Variants in FOXP1 observed in about 807,000 individuals in gnomAD.
FOXP1 encodes the protein forkhead box P1.
A neutral mutation model predicts 98.2 loss-of-function variants in FOXP1; 15 were observed. The ratio of observed to expected loss-of-function variants is 0.15; its 90% CI spans 0.10 to 0.24. FOXP1 has a LOEUF of 0.24. Ranked by LOEUF, FOXP1 falls within the 10% of genes least tolerant of loss-of-function variation. The probability of loss-of-function intolerance (pLI) is 1.00; values close to 1 mark genes in which losing one functional copy is unlikely to be tolerated. For missense variants in FOXP1, 633 were observed against 848.5 expected, an observed-to-expected ratio of 0.75 and a Z score of 3.15; for synonymous variants, 371 against 314.5, an observed-to-expected ratio of 1.18 and a Z score of -1.90.
At chr3:71,140,241 G>A (rs2060004564) in intron 6 of FOXP1, among the ~76,000 whole-genome samples, 1 of 152,128 alleles carries the variant, frequency 6.6e-6, no homozygotes, top group Non-Finnish European at 1.5e-5. Context: ...ATCCATTTAT[G>A]TTTCATATAC....
At chr3:71,147,592 A>G (rs1260854477) in intron 6 of FOXP1, among the ~76,000 whole-genome samples, 1 of 152,192 alleles carries the variant, frequency 6.6e-6, no homozygotes, top group African/African-American at 2.4e-5. Context: ...TAAAAATATT[A>G]TGCTTATTGA....
chr3:71,559,315 G>A (rs1307876074), intron 2 of FOXP1, among the ~76,000 whole-genome samples: 1 of 152,224 alleles, frequency 6.6e-6, no homozygotes, highest in Non-Finnish European at 1.5e-5. Context: ...ACATGGGAAT[G>A]AAAACTGATA....
chr3:71,493,034 A>C (rs1245575924), intron 3 of FOXP1, among the ~76,000 whole-genome samples: 1 of 152,160 alleles, frequency 6.6e-6, no homozygotes, highest in Non-Finnish European at 1.5e-5. Context: ...TCTCTCAAGG[A>C]ACAAATTAGA....
intron 6 of FOXP1, among the ~76,000 whole-genome samples, chr3:71,172,759 T>G (rs901051046): frequency 6.6e-6 from 1 of 152,188 alleles, no homozygotes; most frequent in Non-Finnish European, 1.5e-5. Flanking sequence ...TTGGTATTTT[T>G]ACTTGTTGCT....
chr3:71,327,276 G>T (rs17043920), intron 4 of FOXP1, among the ~76,000 whole-genome samples: 31,025 of 67,920 alleles, frequency 0.46, 9,982 homozygotes, highest in East Asian at 0.86. Flanking sequence ...CTTGTTGTTA[G>T]TCCAAAGAGG....
intron 5 of FOXP1, among the ~76,000 whole-genome samples, chr3:71,263,449 A>G (rs571253608): frequency 6.6e-6 from 1 of 152,284 alleles, no homozygotes; most frequent in East Asian, 1.9e-4. Flanking sequence ...CCTGAATTAA[A>G]TGCTTGACCT....
At chr3:71,273,143 C>T (rs1157694510) in intron 5 of FOXP1, among the ~76,000 whole-genome samples, 2 of 152,154 alleles carry the variant, frequency 1.3e-5, no homozygotes, top group Admixed American at 6.5e-5. Context: ...GGTCCTTGTG[C>T]GTCCCATGGG....
At chr3:71,372,312 G>A (rs997981100) in intron 3 of FOXP1, among the ~76,000 whole-genome samples, 1 of 151,914 alleles carries the variant, frequency 6.6e-6, no homozygotes, top group Non-Finnish European at 1.5e-5. Flanking sequence ...GTGAGCCACT[G>A]TGCCTGGCCG....
intron 4 of FOXP1, among the ~76,000 whole-genome samples, chr3:71,355,432 C>T (rs140824634): frequency 1.5e-3 from 225 of 152,226 alleles, no homozygotes; most frequent in South Asian, 7.9e-3. Context: ...TCCCCTTTCA[C>T]GTAGGTGGTC....
At chr3:71,383,551 A>C (rs6807047) in intron 3 of FOXP1, among the ~76,000 whole-genome samples, 3,110 of 152,332 alleles carry the variant, frequency 0.02, 108 homozygotes, top group African/African-American at 0.071. Context: ...GTCCAGTCAA[A>C]ATAGGTAAAA....
intron 19 of FOXP1, chr3:70,969,239 AATAAGTTACTAATG>A (rs969332223): frequency 6.6e-6 from 1 of 152,198 alleles, no homozygotes; most frequent in Admixed American, 6.5e-5. Flanking sequence ...CTCCAGGGAA[AATAAGTTACTAATG>A]AATGGTATTT....
chr3:71,460,137 T>C (rs1480662371), intron 3 of FOXP1, among the ~76,000 whole-genome samples: 4 of 152,012 alleles, frequency 2.6e-5, no homozygotes, highest in African/African-American at 7.2e-5. Flanking sequence ...GGTTTCACTG[T>C]GTTAGCCAGG....
chr3:71,064,575 T>A (rs1348686682), intron 7 of FOXP1, among the ~76,000 whole-genome samples: 1 of 149,848 alleles, frequency 6.7e-6, no homozygotes, highest in Non-Finnish European at 1.5e-5. Context: ...GGTGGGGGGG[T>A]ATCTCTCTCC....
Position 71,130,408 on chromosome 3 carries a change from C to T in FOXP1, c.181-17771G>A, listed in dbSNP as rs745997219. 7.3e-4 allele frequency: 939 copies of T among 1,286,996 alleles called. 5 individuals carry two copies. Among genetic ancestry groups the T allele is most frequent in the Middle Eastern group, 5.9e-4 (3 of 5,112 alleles). The allele number at this position is 1,286,996 out of a possible 1,614,324, so 79.7% of individuals were successfully genotyped here. The stretch of plus-strand genomic sequence containing the variant: ...GTAAACAAGTTGGATCACCTTATTT[C>T]GCCCTTCAGAGAATGTCTGCACAAG... On this transcript the variant is annotated intron_variant, in intron 6 of 20. Coordinates refer to ENST00000649528, the MANE Select transcript of FOXP1 (RefSeq NM_001349338.3).
chr3:71,357,494 A>C (rs927294522), intron 4 of FOXP1, among the ~76,000 whole-genome samples: 2 of 152,238 alleles, frequency 1.3e-5, no homozygotes, highest in Non-Finnish European at 2.9e-5. Flanking sequence ...TGATTTCGTA[A>C]AAGTAACCAT....
At chr3:71,385,964 C>T (rs1000000694) in intron 3 of FOXP1, among the ~76,000 whole-genome samples, 3 of 152,174 alleles carry the variant, frequency 2.0e-5, no homozygotes, top group African/African-American at 7.2e-5. Context: ...AACGTCTGCA[C>T]CTCAAGCCAC....
At chr3:71,078,177 G>T (rs2054023124) in intron 7 of FOXP1, among the ~76,000 whole-genome samples, 1 of 152,160 alleles carries the variant, frequency 6.6e-6, no homozygotes, top group Non-Finnish European at 1.5e-5. Flanking sequence ...GAGATGAATT[G>T]TGTGCTCTTT....
intron 11 of FOXP1, among the ~76,000 whole-genome samples, chr3:71,032,603 G>C (rs2106694179): frequency 6.6e-6 from 1 of 152,290 alleles, no homozygotes; most frequent in East Asian, 1.9e-4. Flanking sequence ...GCACTCATTT[G>C]CATTGCCCCA....
intron 3 of FOXP1, among the ~76,000 whole-genome samples, chr3:71,486,560 C>T (rs1422277883): frequency 1.3e-5 from 2 of 152,178 alleles, no homozygotes; most frequent in Non-Finnish European, 2.9e-5. Context: ...TCACCACAGT[C>T]ACTCTTCCGC....
Sources: allele counts gnomAD v4.1 joint callset (sites outside exome capture counted in the v4.1 genomes callset), GRCh38; gene constraint gnomAD v4.1.1; transcripts MANE v1.5; gene names NCBI Gene and HGNC (gene_info 2026-07-23, HGNC 2026-07-21).